The following RBMS3 variants were observed in gnomAD, a reference collection of about 807,000 sequenced individuals.
RBMS3 encodes RNA-binding motif, single-stranded-interacting protein 3.
In RBMS3, 27 loss-of-function variants were observed where a neutral mutation model predicts 66.8. The observed-to-expected ratio is 0.40, with a 90% CI of 0.30 to 0.56. The LOEUF (loss-of-function observed/expected upper bound fraction) is 0.56. Among genes scored for constraint, RBMS3 ranks in the 20% least tolerant of loss-of-function variants. The probability of loss-of-function intolerance (pLI) is 0.40; values close to 1 mark genes in which losing one functional copy is unlikely to be tolerated. For missense variants in RBMS3, 513 were observed against 549.5 expected (o/e 0.93, Z 0.66); for synonymous variants, 188 against 183.0 (o/e 1.03, Z -0.22).
In RBMS3 at chr3:29,918,704, G is replaced by A. The variant is rs576401129; in HGVS notation, c.940-17382G>A. 4.6e-5 allele frequency among the ~76,000 whole-genome samples: 7 copies of A among 152,208 alleles called. No individual in the cohort carries two copies. In the South Asian group the frequency reaches 1.5e-3, roughly 32 times the overall value. On this transcript the variant is annotated intron_variant, in intron 10 of 14. Transcript: ENST00000383767. ...TTAGATAACTATGAGAAAATTCTAT[G>A]TAAGTATCTAAAACTATATGCTAAC...
In RBMS3 at chr3:29,714,267, A is replaced by T. The variant is rs549895916; in HGVS notation, c.400-25453A>T. Among the ~76,000 whole-genome samples the T allele has an allele frequency of 4.3e-4, 63 of 147,204 alleles. No individual in the cohort carries two copies. In the South Asian group the frequency reaches 0.013, roughly 30 times the overall value. On this transcript the variant is annotated intron_variant, in intron 4 of 14. Transcript: ENST00000383767. Reference sequence around the variant, plus strand: ...GGTAGAATTGAAAGATTTAATGAGTACTTTAATTTGAATTATTTCACAATT... The same window carrying T: ...GGTAGAATTGAAAGATTTAATGAGTTCTTTAATTTGAATTATTTCACAATT...
intron 12 of RBMS3, among the ~76,000 whole-genome samples, chr3:29,962,318 T>C (rs947732098): frequency 4.6e-5 from 7 of 151,672 alleles, no homozygotes; most frequent in African/African-American, 1.7e-4. Context: ...CTTCGCATAG[T>C]ATGTGTATCC....
chr3:29,564,948 G>T (rs1038607332), intron 3 of RBMS3, among the ~76,000 whole-genome samples: 9 of 151,936 alleles, frequency 5.9e-5, no homozygotes, highest in Non-Finnish European at 8.8e-5. Context: ...TTGCTGCTTT[G>T]CTTCCTAGAC....
At chr3:29,646,555 T>A (rs62234888) in intron 4 of RBMS3, among the ~76,000 whole-genome samples, 44,085 of 152,004 alleles carry the variant, frequency 0.29, 6,605 homozygotes, top group Middle Eastern at 0.36. Flanking sequence ...TTACCTAATG[T>A]CTCTTATAAG....
intron 4 of RBMS3, among the ~76,000 whole-genome samples, chr3:29,727,140 T>C (rs1356673586): frequency 6.6e-6 from 1 of 152,106 alleles, no homozygotes; most frequent in Non-Finnish European, 1.5e-5. Flanking sequence ...TAATAAATGG[T>C]GCTTGGAAAA....
intron 2 of RBMS3, among the ~76,000 whole-genome samples, chr3:29,472,194 ATTTTT>A (rs11326167): frequency 2.1e-5 from 3 of 139,928 alleles, no homozygotes; most frequent in African/African-American, 7.9e-5. Context: ...GCCTCTTCTA[ATTTTT>A]TTTTTTTTTT....
rs1303133479 is a variant in RBMS3, at chr3:29,571,139, C to A, written c.308-15975C>A. 2.0e-5 allele frequency among the ~76,000 whole-genome samples: 3 copies of A among 152,062 alleles called. No homozygotes were observed. The East Asian group carries it at 5.8e-4, about 29-fold the overall frequency. ...TTTGTATGTCACCCTTGAAAAATTT[C>A]TATTAAAATATTTTGCCCATTTTTG... On this transcript the variant is annotated intron_variant, in intron 3 of 14. Transcript: ENST00000383767.
chr3:29,425,458 C>T (rs2125709147), intron 1 of RBMS3, among the ~76,000 whole-genome samples: 1 of 150,094 alleles, frequency 6.7e-6, no homozygotes, highest in Non-Finnish European at 1.5e-5. Flanking sequence ...TAGGAAAAAC[C>T]CCGTCTCTAC....
intron 2 of RBMS3, among the ~76,000 whole-genome samples, chr3:29,460,449 G>A (rs141030149): frequency 6.6e-6 from 1 of 152,236 alleles, no homozygotes; most frequent in African/African-American, 2.4e-5. Context: ...TTTAATGTGG[G>A]TCACAAGAGA....
At chr3:29,604,325 T>C (rs557891984) in intron 4 of RBMS3, among the ~76,000 whole-genome samples, 16 of 152,100 alleles carry the variant, frequency 1.1e-4, no homozygotes, top group African/African-American at 3.9e-4. Context: ...ATATCTTTAA[T>C]GACATGTCAT....
chr3:29,700,350 G>A (rs1023726667), intron 4 of RBMS3, among the ~76,000 whole-genome samples: 1 of 152,136 alleles, frequency 6.6e-6, no homozygotes, highest in Admixed American at 6.5e-5. Context: ...CAGAATTAAC[G>A]CCAAACTGTG....
At chr3:29,867,926 C>A (rs1577033586) in intron 6 of RBMS3, among the ~76,000 whole-genome samples, 2 of 152,006 alleles carry the variant, frequency 1.3e-5, no homozygotes, top group South Asian at 4.1e-4. Context: ...AAGAAATTAA[C>A]CTTCCCAGCC....
intron 7 of RBMS3, among the ~76,000 whole-genome samples, chr3:29,872,681 C>A (rs982673227): frequency 1.3e-5 from 2 of 152,160 alleles, no homozygotes; most frequent in African/African-American, 2.4e-5. Context: ...ATCAGTGCAA[C>A]TCCACTTCCC....
At chr3:29,408,140 C>T (rs185751570) in intron 1 of RBMS3, among the ~76,000 whole-genome samples, 2 of 150,752 alleles carry the variant, frequency 1.3e-5, no homozygotes, top group East Asian at 2.0e-4. Flanking sequence ...GGTGTGGTGG[C>T]GGGTGCCTGT....
chr3:29,973,472 C>T (rs765812977), intron 12 of RBMS3, among the ~76,000 whole-genome samples: 7 of 152,072 alleles, frequency 4.6e-5, no homozygotes, highest in Non-Finnish European at 8.8e-5. Flanking sequence ...GTATTAGTAA[C>T]TCAACCAGTT....
chr3:29,844,150 AC>A (rs2058725464), intron 6 of RBMS3, among the ~76,000 whole-genome samples: 3 of 152,332 alleles, frequency 2.0e-5, no homozygotes, highest in African/African-American at 7.2e-5. Context: ...AAATAGATGT[AC>A]AAATTCCTTG....
intron 5 of RBMS3, among the ~76,000 whole-genome samples, chr3:29,741,233 A>G (rs1028120791): frequency 6.6e-6 from 1 of 152,188 alleles, no homozygotes; most frequent in Non-Finnish European, 1.5e-5. Context: ...AATGCAAGGT[A>G]CATGCTTGAT....
chr3:29,599,257 T>C (rs975211648), intron 4 of RBMS3, among the ~76,000 whole-genome samples: 1 of 151,720 alleles, frequency 6.6e-6, no homozygotes, highest in Admixed American at 6.6e-5. Flanking sequence ...ATAATTAGAT[T>C]GTTTGTAACT....
chr3:29,912,916 G>A (rs2060551003), intron 10 of RBMS3, among the ~76,000 whole-genome samples: 1 of 151,878 alleles, frequency 6.6e-6, no homozygotes, highest in South Asian at 2.1e-4. Context: ...TTCAGTTTGT[G>A]CCAGAATTTT....
Sources: gnomAD v4.1 joint callset for allele counts (sites outside exome capture counted in the v4.1 genomes callset) on GRCh38, gnomAD v4.1.1 for gene constraint, MANE v1.5 for transcripts, NCBI Gene and HGNC (gene_info 2026-07-23, HGNC 2026-07-21) for gene names.